The following HPSE2 variants were observed in gnomAD, a reference collection of about 807,000 sequenced individuals.
HPSE2 encodes heparanase 2 (inactive), also known as inactive heparanase-2.
Under a neutral mutation model 60.5 loss-of-function variants are expected in HPSE2, and 38 were observed. The ratio of observed to expected loss-of-function variants is 0.63; its 90% CI spans 0.48 to 0.82. The LOEUF (loss-of-function observed/expected upper bound fraction) is 0.82, where lower values mean the gene tolerates loss of function less well. Among genes scored for constraint, HPSE2 ranks in the 40% least tolerant of loss-of-function variants. The probability of loss-of-function intolerance (pLI) is 0.00; values close to 1 mark genes in which losing one functional copy is unlikely to be tolerated. For synonymous variants in HPSE2, 295 were observed against 293.2 expected, an observed-to-expected ratio of 1.01 and a Z score of -0.06; for missense variants, 713 against 740.4, an observed-to-expected ratio of 0.96 and a Z score of 0.43.
At chr10:99,183,612 GGGTGATGGATTT>G (rs1280172984) in intron 2 of HPSE2, among the ~76,000 whole-genome samples, 4 of 152,124 alleles carry the variant, frequency 2.6e-5, no homozygotes, top group Non-Finnish European at 5.9e-5. Flanking sequence ...TAGTCAATCA[GGGTGATGGATTT>G]GATGCTGAGC....
intron 9 of HPSE2, among the ~76,000 whole-genome samples, chr10:98,606,879 T>G (rs1255205441): frequency 2.0e-5 from 3 of 152,216 alleles, no homozygotes; most frequent in Non-Finnish European, 4.4e-5. Flanking sequence ...CAGCGGCTTA[T>G]TTTTTGGTTC....
At chr10:99,217,735 T>C (rs1317757651) in intron 2 of HPSE2, among the ~76,000 whole-genome samples, 1 of 152,112 alleles carries the variant, frequency 6.6e-6, no homozygotes, top group East Asian at 1.9e-4. Context: ...ACTACAGGTC[T>C]GTGCCACCAA....
the HPSE2 span, among the ~76,000 whole-genome samples, chr10:99,288,084 G>A: frequency 1.3e-5 from 2 of 152,190 alleles, no homozygotes; most frequent in Non-Finnish European, 2.9e-5. Context: ...ACAGTAAGTT[G>A]AGAAATTTAA....
Position 98,721,770 on chromosome 10 carries a change from C to T in HPSE2, c.843G>A (p.Lys281=), listed in dbSNP as rs1484864661. 3.1e-6 allele frequency: 5 copies of T among 1,613,656 alleles called. No individual in the cohort carries two copies. Among genetic ancestry groups the T allele is most frequent in the Admixed American group, 1.7e-5 (1 of 59,930 alleles). The change falls in exon 5 of 12, where the codon AAG becomes AAA. Residue 281 remains lysine, a synonymous_variant. Coordinates refer to ENST00000370552, the MANE Select transcript of HPSE2 (RefSeq NM_021828.5). ...GRAVNGSQLG[K]DYIQLKSLLQ... is the part of the protein sequence containing the mutation. ...ACAGGCTCTTCAGCTGGATGTAATC[C>T]TTTCCCAACTGGCTGCCATTTACTG...
chr10:98,696,292 T>TAAAAAAAA (rs71009706), intron 5 of HPSE2, among the ~76,000 whole-genome samples: 1 of 89,658 alleles, frequency 1.1e-5, no homozygotes, highest in African/African-American at 4.1e-5. Flanking sequence ...GAGGCTCCCA[T>TAAAAAAAA]AAAAAAAAAA....
chr10:99,132,915 C>G (rs1280231714), intron 3 of HPSE2, among the ~76,000 whole-genome samples: 2 of 152,146 alleles, frequency 1.3e-5, no homozygotes, highest in African/African-American at 4.8e-5. Context: ...GAAAGGGGTG[C>G]TGAAGCCAGG....
At chr10:99,298,280 A>G in the HPSE2 span, among the ~76,000 whole-genome samples, 1 of 152,236 alleles carries the variant, frequency 6.6e-6, no homozygotes, top group African/African-American at 2.4e-5. Flanking sequence ...ACAGCCACCT[A>G]ACTGCCCATT....
chr10:98,976,717 G>C lies in HPSE2; in HGVS notation c.610+167521C>G, dbSNP rs73335882. Among the ~76,000 whole-genome samples, 303 of 148,838 alleles carry C rather than the reference G, an allele frequency of 2.0e-3. 1 individual carries two copies. Among genetic ancestry groups the C allele is most frequent in the African/African-American group, 7.4e-3 (292 of 39,650 alleles). Reference sequence around the variant, plus strand: ...CCCTCATAAAAACGGACTGACAATTGTTGCTATCCGTGGTAAGCGAAAAAA... The same window carrying C: ...CCCTCATAAAAACGGACTGACAATTCTTGCTATCCGTGGTAAGCGAAAAAA... On this transcript the variant is annotated intron_variant, in intron 3 of 11. Transcript: ENST00000370552.
At chr10:98,941,348 C>A (rs11189892) in intron 3 of HPSE2, among the ~76,000 whole-genome samples, 48,121 of 109,836 alleles carry the variant, frequency 0.44, 12,678 homozygotes, top group Non-Finnish European at 0.56. Context: ...TGTCTCAGCC[C>A]GAAATCTCCT....
chr10:98,757,043 AT>A (rs1477881834), intron 3 of HPSE2, among the ~76,000 whole-genome samples: 7 of 152,226 alleles, frequency 4.6e-5, no homozygotes, highest in Admixed American at 4.6e-4. Context: ...AAATTAATAA[AT>A]GTGATTCATC....
At chr10:99,269,170 AG>A in the HPSE2 span, among the ~76,000 whole-genome samples, 3 of 152,112 alleles carry the variant, frequency 2.0e-5, no homozygotes, top group African/African-American at 7.2e-5. Flanking sequence ...AAAAAAAAAA[AG>A]AATTCACCAA....
At chr10:99,045,075 G>A (rs1336941987) in intron 3 of HPSE2, among the ~76,000 whole-genome samples, 1 of 152,104 alleles carries the variant, frequency 6.6e-6, no homozygotes, top group East Asian at 1.9e-4. Flanking sequence ...CTTCCCATAT[G>A]CACACAGAAC....
At chr10:99,093,511 T>C (rs1391844423) in intron 3 of HPSE2, among the ~76,000 whole-genome samples, 1 of 152,142 alleles carries the variant, frequency 6.6e-6, no homozygotes, top group Admixed American at 6.5e-5. Context: ...TAGTAGCTCG[T>C]AGTTCTGGGG....
At chr10:99,110,461 T>C (rs2135676677) in intron 3 of HPSE2, among the ~76,000 whole-genome samples, 1 of 152,280 alleles carries the variant, frequency 6.6e-6, no homozygotes, top group East Asian at 1.9e-4. Flanking sequence ...TTGAATGCAC[T>C]GGAAAGGAGA....
chr10:98,609,548 A>G (rs1250930213), intron 9 of HPSE2, among the ~76,000 whole-genome samples: 3 of 152,154 alleles, frequency 2.0e-5, no homozygotes, highest in Non-Finnish European at 4.4e-5. Flanking sequence ...CCCAAAGAAA[A>G]CCACTTTTAA....
intron 9 of HPSE2, among the ~76,000 whole-genome samples, chr10:98,490,881 C>T (rs559995394): frequency 6.6e-6 from 1 of 152,206 alleles, no homozygotes; most frequent in Non-Finnish European, 1.5e-5. Flanking sequence ...AATTTTCAAT[C>T]TGTGGCACAC....
rs1957884415 is a variant in HPSE2, at chr10:99,047,546, G to T, written c.610+96692C>A. 3 of 511,964 alleles carry T rather than the reference G, an allele frequency of 5.9e-6. No homozygotes were observed. The East Asian group carries it at 9.5e-5, about 16-fold the overall frequency. The allele number at this position is 511,964 out of a possible 1,614,324, so 31.7% of individuals were successfully genotyped here. On this transcript the variant is annotated intron_variant, in intron 3 of 11. Transcript: ENST00000370552. ...TAAAGAGACAACCTACACGATAGGA[G>T]AAAATATTCACAAACTTTGCATATG...
intron 3 of HPSE2, among the ~76,000 whole-genome samples, chr10:99,004,896 G>A (rs1956857095): frequency 6.6e-6 from 1 of 152,032 alleles, no homozygotes; most frequent in Admixed American, 6.6e-5. Context: ...CATTTCTGAA[G>A]GACAGCTTTG....
At chr10:98,726,075 G>C (rs1239337485) in intron 4 of HPSE2, among the ~76,000 whole-genome samples, 5 of 152,188 alleles carry the variant, frequency 3.3e-5, no homozygotes, top group Non-Finnish European at 5.9e-5. Context: ...AAGTTGGTGT[G>C]GCAATTCCTC....
Sources: gnomAD v4.1 joint callset for allele counts (sites outside exome capture counted in the v4.1 genomes callset) on GRCh38, gnomAD v4.1.1 for gene constraint, MANE v1.5 for transcripts, NCBI Gene and HGNC (gene_info 2026-07-23, HGNC 2026-07-21) for gene names.